Variants in MSTO1 observed in about 807,000 individuals in gnomAD.
MSTO1 encodes protein misato homolog 1.
Under a neutral mutation model 55.7 loss-of-function variants are expected in MSTO1, and 24 were observed. That is an observed-to-expected ratio of 0.43 (90% confidence interval 0.31 to 0.61). MSTO1 has a LOEUF of 0.61. MSTO1 is among the 20% of genes least tolerant of loss of function. The pLI, the probability that MSTO1 is intolerant of heterozygous loss-of-function variation, is 0.09. For missense variants in MSTO1, 363 were observed against 625.7 expected (o/e 0.58, Z 4.48); for synonymous variants, 162 against 252.8 (o/e 0.64, Z 3.41).
the MSTO1 span, among the ~76,000 whole-genome samples, chr1:155,573,915 C>G: frequency 6.6e-6 from 1 of 151,388 alleles, no homozygotes; most frequent in South Asian, 2.1e-4. Context: ...ATAGTTGTAT[C>G]AATGACTTGA....
At position 155,612,405 on chromosome 1, in the gene MSTO1, C is replaced by G. The variant is rs757407099; in HGVS notation, c.814-13C>G. 2.5e-6 allele frequency: 4 copies of G among 1,606,730 alleles called. No homozygotes were observed. In the South Asian group the frequency reaches 3.3e-5, roughly 13 times the overall value. The stretch of plus-strand genomic sequence containing the variant: ...GGAGAGCTGCTTAATACAAACTACT[C>G]TTTCTTCACCAGGAGGCCCAGAGAA... On this transcript the variant is annotated splice_polypyrimidine_tract_variant and intron_variant, in intron 8 of 13. Coordinates refer to ENST00000245564, the MANE Select transcript of MSTO1 (RefSeq NM_018116.4).
At chr1:155,564,987 G>T in the MSTO1 span, among the ~76,000 whole-genome samples, 1 of 152,076 alleles carries the variant, frequency 6.6e-6, no homozygotes, top group South Asian at 2.1e-4. Flanking sequence ...CGGGCGTGGT[G>T]GTGGGCGCCT....
At chr1:155,563,533 C>T in the MSTO1 span, 2 of 456,264 alleles carry the variant, frequency 4.4e-6, no homozygotes, top group Non-Finnish European at 8.8e-6. Context: ...TCGGATTTCT[C>T]GAATTTCACA....
In MSTO1 at chr1:155,614,658, A is replaced by C. The variant is rs1571276579; in HGVS notation, c.*385A>C. The stretch of plus-strand genomic sequence containing the variant: ...AGGACTGTACAAGCAGAGTACAACT[A>C]CCCGCCTCCCCGGTGCCAGGGCGCC... On this transcript the variant is annotated 3_prime_UTR_variant, in exon 14 of 14. Transcript: ENST00000245564. 6.7e-7 allele frequency: 1 copy of C among 1,486,164 alleles called. No individual in the cohort carries two copies. The highest frequency in any genetic ancestry group is 9.4e-7 in the Non-Finnish European group (1 of 1,065,546). The allele number at this position is 1,486,164 out of a possible 1,614,324, so 92.1% of individuals were successfully genotyped here. A position where few individuals can be genotyped will look rare whatever the true frequency, so the allele number is the denominator to read the frequency against.
rs775555854 is a variant in MSTO1, at chr1:155,612,497, G to T, written c.893G>T (p.Cys298Phe). The T allele has an allele frequency of 4.3e-6, 7 of 1,613,970 alleles. No individual in the cohort carries two copies. The highest frequency in any genetic ancestry group is 5.9e-6 in the Non-Finnish European group (7 of 1,179,996). ...CTGACTGCTCACAGCTCTCTTGTCT[G>T]CCCCTTGTCCTTGGGTGGGAGCCTG... ...VHLTAHSSLVCPLSLGGSLGL... is the reference protein window; with the variant it reads ...VHLTAHSSLVFPLSLGGSLGL... The change falls in exon 9 of 14, where the codon TGC becomes TTC. Residue 298 changes from cysteine (C) to phenylalanine (F), a missense_variant. Physicochemically the swap from Cys to Phe is radical, Grantham distance 205. Around this residue, in one of 3 missense-constraint regions of MSTO1, gnomAD observed 231 missense variants for 286.9 expected, o/e 0.81. Transcript: ENST00000245564.
intron 11 of MSTO1, 40 bp from the exon 12 acceptor site, chr1:155,613,422 C>G: frequency 1.2e-6 from 2 of 1,612,540 alleles, no homozygotes; most frequent in South Asian, 2.2e-5. Flanking sequence ...CTTATTCATG[C>G]AGCCACAGAC....
rs1186122769 is a variant in MSTO1 at position 155,610,425 on chromosome 1, G to T, written c.85G>T (p.Asp29Tyr). 1.2e-6 allele frequency: 1 copy of T among 861,916 alleles called. No individual in the cohort carries two copies. The highest frequency in any genetic ancestry group is 1.8e-6 in the Non-Finnish European group (1 of 559,366). 53.4% of individuals were successfully genotyped at this position (861,916 alleles called of 1,614,324 possible). ...FVGAHWWNQQ[D>Y]AALGRATDSK... ...TGCCTCGTCCTCTCTGCTTCCCCAGGATGCTGCGCTGGGCCGAGCGACCGA... is the reference window on the plus strand; with the variant it reads ...TGCCTCGTCCTCTCTGCTTCCCCAGTATGCTGCGCTGGGCCGAGCGACCGA... The change falls in exon 2 of 14, where the codon GAT (aspartate) becomes TAT (tyrosine). Residue 29 changes from aspartate to tyrosine, a missense_variant and splice_region_variant. Transcript: ENST00000245564.
At chr1:155,586,611 T>C in the MSTO1 span, 3 of 464,462 alleles carry the variant, frequency 6.5e-6, no homozygotes, top group South Asian at 4.9e-5. Flanking sequence ...CAAATATTTT[T>C]TCCCATTTGT....
At chr1:155,581,426 A>G in the MSTO1 span, among the ~76,000 whole-genome samples, 1 of 152,032 alleles carries the variant, frequency 6.6e-6, no homozygotes, top group Admixed American at 6.6e-5. Flanking sequence ...TTATTTTGAG[A>G]CAGAGTCTCA....
At chr1:155,595,634 C>T in the MSTO1 span, among the ~76,000 whole-genome samples, 1 of 151,722 alleles carries the variant, frequency 6.6e-6, no homozygotes, top group Admixed American at 6.6e-5. Flanking sequence ...ATTACAGGCA[C>T]ACACCACCAC....
At chr1:155,596,694 T>C in the MSTO1 span, among the ~76,000 whole-genome samples, 1 of 152,154 alleles carries the variant, frequency 6.6e-6, no homozygotes, top group South Asian at 2.1e-4. Flanking sequence ...GGTTTAGCTG[T>C]AAGGATCACT....
chr1:155,603,655 C>T, the MSTO1 span, among the ~76,000 whole-genome samples: 1 of 151,618 alleles, frequency 6.6e-6, no homozygotes, highest in African/African-American at 2.4e-5. Context: ...GTCAGGAGTT[C>T]AAGACCAGCC....
chr1:155,610,445 G>A lies in MSTO1; in HGVS notation c.105G>A (p.Ala35=). 1 of 856,108 alleles carries A rather than the reference G, an allele frequency of 1.2e-6. No individual in the cohort carries two copies. The highest frequency in any genetic ancestry group is 1.8e-6 in the Non-Finnish European group (1 of 552,086). The allele number at this position is 856,108 out of a possible 1,614,324, so 53.0% of individuals were successfully genotyped here. The change falls in exon 2 of 14, where the codon GCG becomes GCA. Residue 35 remains alanine, a synonymous_variant. Coordinates refer to ENST00000245564, the MANE Select transcript of MSTO1 (RefSeq NM_018116.4). ...CCCAGGATGCTGCGCTGGGCCGAGC[G>A]ACCGATTCCAAGGAGCCCCCGGGAG... ...WNQQDAALGR[A]TDSKEPPGEL... is the part of the protein sequence containing the mutation.
At chr1:155,577,212 C>T in the MSTO1 span, among the ~76,000 whole-genome samples, 1 of 151,220 alleles carries the variant, frequency 6.6e-6, no homozygotes, top group East Asian at 2.0e-4. Context: ...CCTCAGCCTC[C>T]GGAGTAGCTG....
Position 155,613,487 on chromosome 1 carries a change from C to T in MSTO1, c.1309C>T (p.Pro437Ser), listed in dbSNP as rs1162247997. 3.1e-6 allele frequency: 5 copies of T among 1,613,922 alleles called. No homozygotes were observed. The highest frequency in any genetic ancestry group is 1.3e-5 in the African/African-American group (1 of 74,918). ...CCAGCTCACCCCAGGGACACCTCCA[C>T]CCTCTGCCCTTCATGCATGTACCAC... ...TSQLTPGTPP[P>S]SALHACTTGE... Residue 437 changes from proline to serine, a missense_variant, in exon 12 of 14, where the codon CCC becomes TCC. Physicochemically the swap from Pro to Ser is moderately conservative, Grantham distance 74. Around this residue, in one of 3 missense-constraint regions of MSTO1, gnomAD observed 231 missense variants for 286.9 expected, o/e 0.81. Transcript: ENST00000245564.
chr1:155,597,031 T>C, the MSTO1 span, among the ~76,000 whole-genome samples: 1 of 151,692 alleles, frequency 6.6e-6, no homozygotes, highest in Non-Finnish European at 1.5e-5. Flanking sequence ...CTTATGAGCC[T>C]GGGAAGCCAA....
the MSTO1 span, among the ~76,000 whole-genome samples, chr1:155,573,320 T>C: frequency 6.6e-6 from 1 of 152,150 alleles, no homozygotes; most frequent in Admixed American, 6.6e-5. Flanking sequence ...CCCAGCACTT[T>C]GAGAGGCCAA....
chr1:155,592,670 C>T, the MSTO1 span, among the ~76,000 whole-genome samples: 2 of 151,746 alleles, frequency 1.3e-5, no homozygotes, highest in Admixed American at 6.6e-5. Flanking sequence ...TCTTGTGCCT[C>T]AGACACCTGA....
the MSTO1 span, among the ~76,000 whole-genome samples, chr1:155,587,837 G>A: frequency 6.6e-6 from 1 of 151,030 alleles, no homozygotes; most frequent in African/African-American, 2.4e-5. Flanking sequence ...AACTAAGATT[G>A]ACTGTAATTT....
Sources: allele counts gnomAD v4.1 joint callset (sites outside exome capture counted in the v4.1 genomes callset), GRCh38; gene constraint gnomAD v4.1.1; regional missense constraint gnomAD v4.1.1; transcripts MANE v1.5; gene names NCBI Gene and HGNC (gene_info 2026-07-23, HGNC 2026-07-21).